Variants in PDHX observed in about 807,000 individuals in gnomAD.
The protein encoded by PDHX is pyruvate dehydrogenase protein X component, mitochondrial.
In PDHX, 33 loss-of-function variants were observed where a neutral mutation model predicts 55.3. That is an observed-to-expected ratio of 0.60 (90% CI 0.45 to 0.80). PDHX has a LOEUF of 0.80. Among genes scored for constraint, PDHX ranks in the 30% least tolerant of loss-of-function variants. The pLI is 0.00. For missense variants in PDHX, 622 were observed against 619.9 expected (o/e 1.00, Z -0.04); for synonymous variants, 226 against 219.4 (o/e 1.03, Z -0.27).
At chr11:34,947,781 A>G (rs1239386564) in intron 3 of PDHX, among the ~76,000 whole-genome samples, 175 bp downstream of exon 3, 1 of 152,084 alleles carries the variant, frequency 6.6e-6, no homozygotes, top group Non-Finnish European at 1.5e-5. Flanking sequence ...CTAATAGCCT[A>G]TTTTTCTGTA....
At chr11:34,966,338 G>A (rs183130313) in intron 5 of PDHX, among the ~76,000 whole-genome samples, 333 of 152,176 alleles carry the variant, frequency 2.2e-3, no homozygotes, top group African/African-American at 7.4e-3. Context: ...ACCAAATAAC[G>A]TCCACTGCAC....
chr11:34,918,330 C>G (rs1853790758), intron 1 of PDHX, among the ~76,000 whole-genome samples: 1 of 151,706 alleles, frequency 6.6e-6, no homozygotes, highest in Admixed American at 6.6e-5. Flanking sequence ...CCAGCTACTC[C>G]AGGGGCTGAG....
chr11:34,949,737 T>C (rs918615427), intron 3 of PDHX, among the ~76,000 whole-genome samples: 3 of 152,162 alleles, frequency 2.0e-5, no homozygotes, highest in Non-Finnish European at 4.4e-5. Context: ...GTATTTGGGG[T>C]TGCTATATAA....
At chr11:34,960,586 T>A in intron 5 of PDHX, 68 bp downstream of exon 5, 1 of 965,692 alleles carries the variant, frequency 1.0e-6, no homozygotes, top group Non-Finnish European at 1.6e-6. Context: ...TGAAAGAAAA[T>A]AAAAAGAGCT....
chr11:34,993,317 T>C (rs1855793961), intron 10 of PDHX, among the ~76,000 whole-genome samples: 1 of 152,170 alleles, frequency 6.6e-6, no homozygotes, highest in South Asian at 2.1e-4. Flanking sequence ...AATTCCTATT[T>C]ATCAGTATTT....
intron 2 of PDHX, chr11:34,942,015 C>A (rs1291797176): frequency 6.6e-6 from 1 of 152,550 alleles, no homozygotes; most frequent in Non-Finnish European, 1.5e-5. Flanking sequence ...ATGAACCTGA[C>A]AGCTGAGAAG....
At chr11:34,989,057 G>A (rs921521634) in intron 9 of PDHX, among the ~76,000 whole-genome samples, 1 of 152,192 alleles carries the variant, frequency 6.6e-6, no homozygotes, top group African/African-American at 2.4e-5. Context: ...ACACCATAGA[G>A]TGTGCTTACA....
intron 1 of PDHX, among the ~76,000 whole-genome samples, chr11:34,924,956 T>G (rs1052109360): frequency 1.3e-5 from 2 of 152,218 alleles, no homozygotes; most frequent in Non-Finnish European, 2.9e-5. Context: ...AGTGAAATTA[T>G]TTTGTAATTC....
chr11:34,969,806 C>T (rs1427228441), intron 6 of PDHX, among the ~76,000 whole-genome samples: 1 of 152,188 alleles, frequency 6.6e-6, no homozygotes, highest in East Asian at 1.9e-4. Context: ...TATATATACA[C>T]ACACAAACAC....
In PDHX at chr11:34,992,251, C is replaced by G. The variant is rs935161882; in HGVS notation, c.1183-64C>G. 60 of 908,374 alleles carry G rather than the reference C, an allele frequency of 6.6e-5. No homozygotes were observed. The Middle Eastern group carries it at 8.8e-4, about 13-fold the overall frequency. The allele number at this position is 908,374 out of a possible 1,614,324, so 56.3% of individuals were successfully genotyped here. ...GAGAGTATATGATGTACAAATATTT[C>G]AAGTGACAAGATCAACTGTATAACA... On this transcript the variant is annotated intron_variant, in intron 9 of 10. Coordinates refer to ENST00000227868, the MANE Select transcript of PDHX (RefSeq NM_003477.3).
Position 34,989,043 on chromosome 11 carries a change from G to A in PDHX, c.1183-3272G>A, listed in dbSNP as rs1322143180. Among the ~76,000 whole-genome samples the A allele has an allele frequency of 2.6e-5, 4 of 152,322 alleles. No homozygotes were observed. In the East Asian group the frequency reaches 7.7e-4, roughly 29 times the overall value. ...CATGGTTAGGCGATTTTGTCATTGT[G>A]TGAACACCATAGAGTGTGCTTACAC... is the stretch of plus-strand genomic sequence containing the variant. On this transcript the variant is annotated intron_variant, in intron 9 of 10. Coordinates refer to ENST00000227868, the MANE Select transcript of PDHX (RefSeq NM_003477.3).
chr11:34,916,151 G>T, upstream of PDHX: 1 of 1,545,986 alleles, frequency 6.5e-7, no homozygotes, highest in Non-Finnish European at 8.7e-7. Context: ...CCGCTACCCT[G>T]CGCCCAGCTC....
chr11:34,924,580 A>G (rs1458235130), intron 1 of PDHX, among the ~76,000 whole-genome samples: 1 of 152,234 alleles, frequency 6.6e-6, no homozygotes, highest in Non-Finnish European at 1.5e-5. Context: ...GGAAACAGAC[A>G]TAGATAGAAT....
At chr11:34,917,412 C>G (rs1353776489) in intron 1 of PDHX, among the ~76,000 whole-genome samples, 1 of 152,080 alleles carries the variant, frequency 6.6e-6, no homozygotes, top group Non-Finnish European at 1.5e-5. Flanking sequence ...TAAATCATAC[C>G]AAAAATTTAT....
chr11:34,941,281 C>T (rs1854471263), intron 2 of PDHX, among the ~76,000 whole-genome samples: 2 of 152,174 alleles, frequency 1.3e-5, no homozygotes, highest in African/African-American at 4.8e-5. Context: ...AGGGGTCCCT[C>T]CTCTACATTC....
At chr11:34,964,887 A>C (rs1197487853) in intron 5 of PDHX, among the ~76,000 whole-genome samples, 1 of 141,502 alleles carries the variant, frequency 7.1e-6, no homozygotes, top group Non-Finnish European at 1.5e-5. Flanking sequence ...ATATTACTAA[A>C]TATGCTAATA....
At position 34,995,198 on chromosome 11, in the gene PDHX, C is replaced by T; in HGVS notation, c.*26C>T. The T allele has an allele frequency of 6.2e-7, 1 of 1,612,222 alleles. No homozygotes were observed. Among genetic ancestry groups the T allele is most frequent in the Non-Finnish European group, 8.5e-7 (1 of 1,178,964 alleles). ...TCCTCAAAGATAAGAAGTTGGTGTT[C>T]AGCTTAGTTGATTCAGTAGTTGTTA... On this transcript the variant is annotated 3_prime_UTR_variant, in exon 11 of 11. Coordinates refer to ENST00000227868, the MANE Select transcript of PDHX (RefSeq NM_003477.3).
chr11:34,989,223 G>A (rs930465996), intron 9 of PDHX, among the ~76,000 whole-genome samples: 2 of 152,154 alleles, frequency 1.3e-5, no homozygotes, highest in Non-Finnish European at 2.9e-5. Context: ...AATCTTATGG[G>A]ACCACTGTCA....
chr11:34,928,658 A>G (rs769196045), intron 1 of PDHX, among the ~76,000 whole-genome samples: 1 of 152,154 alleles, frequency 6.6e-6, no homozygotes, highest in Non-Finnish European at 1.5e-5. Context: ...TGTTATCTCC[A>G]AATGCATTCA....
Sources: gnomAD v4.1 joint callset for allele counts (sites outside exome capture counted in the v4.1 genomes callset) on GRCh38, gnomAD v4.1.1 for gene constraint, MANE v1.5 for transcripts, NCBI Gene and HGNC (gene_info 2026-07-23, HGNC 2026-07-21) for gene names.